Variants in ME1 observed in about 807,000 individuals in gnomAD.
The protein encoded by ME1 is malic enzyme 1, also known as NADP-dependent malic enzyme.
Under a neutral mutation model 66.4 loss-of-function variants are expected in ME1, and 74 were observed. That is an observed-to-expected ratio of 1.11 (90% CI 0.92 to 1.35). The LOEUF (loss-of-function observed/expected upper bound fraction) is 1.35. ME1 is among the 40% of genes most tolerant of loss of function. The pLI is 0.00. For synonymous variants in ME1, 251 were observed against 235.6 expected (o/e 1.07, Z -0.60); for missense variants, 750 against 694.1 (o/e 1.08, Z -0.90).
In ME1 at chr6:83,223,924, T is replaced by C. The variant is rs374707344; in HGVS notation, c.1285A>G (p.Ile429Val). 3.9e-5 allele frequency: 63 copies of C among 1,613,616 alleles called. No homozygotes were observed. Among genetic ancestry groups the C allele is most frequent in the Non-Finnish European group, 4.7e-5 (55 of 1,179,812 alleles). ...QCYKITKGRA[I>V]FASGSPFDPV... is the part of the protein sequence containing the mutation. ...TCAAAAGGACTGCCACTGGCAAAAA[T>C]TGCACGTCCCTACAACAAAGACACA... The change falls in exon 12 of 14, where the codon ATT (isoleucine) becomes GTT (valine). Residue 429 changes from isoleucine (I) to valine (V), a missense_variant. Physicochemically the swap from Ile to Val is conservative, Grantham distance 29 (BLOSUM62 3). Transcript: ENST00000369705.
chr6:83,372,071 T>C (rs1769201202), intron 3 of ME1, among the ~76,000 whole-genome samples: 1 of 152,194 alleles, frequency 6.6e-6, no homozygotes, highest in Non-Finnish European at 1.5e-5. Flanking sequence ...ATTATGTCTA[T>C]TGTATTCATT....
intron 4 of ME1, among the ~76,000 whole-genome samples, chr6:83,351,198 C>T (rs1332051589): frequency 6.6e-6 from 1 of 151,938 alleles, no homozygotes; most frequent in African/African-American, 2.4e-5. Flanking sequence ...AGTTCAAGAC[C>T]AGACTGAGCA....
At chr6:83,363,925 G>A (rs1769051623) in intron 3 of ME1, among the ~76,000 whole-genome samples, 1 of 152,170 alleles carries the variant, frequency 6.6e-6, no homozygotes, top group African/African-American at 2.4e-5. Context: ...GCATAATTAT[G>A]ACCTTATTAT....
In ME1 at chr6:83,389,188, A is replaced by C. The variant is rs562336698; in HGVS notation, c.362+9179T>G. On this transcript the variant is annotated intron_variant, in intron 3 of 13. Coordinates refer to ENST00000369705, the MANE Select transcript of ME1 (RefSeq NM_002395.6). ...ATTCCTTAGTGTGTCCAATTTCTTTAATATCTATTATTTATGAGAATTTGC... is the reference window on the plus strand; with the variant it reads ...ATTCCTTAGTGTGTCCAATTTCTTTCATATCTATTATTTATGAGAATTTGC... 2.0e-5 allele frequency among the ~76,000 whole-genome samples: 3 copies of C among 152,252 alleles called. No individual in the cohort carries two copies. In the East Asian group the frequency reaches 5.8e-4, roughly 29 times the overall value.
chr6:83,426,136 G>A (rs1770367228), intron 1 of ME1, among the ~76,000 whole-genome samples: 1 of 152,200 alleles, frequency 6.6e-6, no homozygotes. Flanking sequence ...AGCTAATTGG[G>A]AGGCTTGGGA....
intron 12 of ME1, among the ~76,000 whole-genome samples, chr6:83,222,526 G>T (rs148997489): frequency 1.7e-3 from 257 of 152,318 alleles, no homozygotes; most frequent in African/African-American, 5.6e-3. Context: ...CGTAAGAAAA[G>T]AAATTCACTC....
rs543978480 is a variant in ME1, at chr6:83,387,498, A to G, written c.362+10869T>C. ...ATCTGCAGAAACTATATGTTTCCATATAAGTAAACATTATTTAGACCCTCA... is the reference window on the plus strand; with the variant it reads ...ATCTGCAGAAACTATATGTTTCCATGTAAGTAAACATTATTTAGACCCTCA... On this transcript the variant is annotated intron_variant, in intron 3 of 13. Coordinates refer to ENST00000369705, the MANE Select transcript of ME1 (RefSeq NM_002395.6). Among the ~76,000 whole-genome samples the G allele has an allele frequency of 8.5e-5, 13 of 152,262 alleles. No individual in the cohort carries two copies. In the South Asian group the frequency reaches 2.5e-3, roughly 29 times the overall value.
chr6:83,319,861 G>A (rs1768118582), intron 5 of ME1, among the ~76,000 whole-genome samples: 1 of 152,168 alleles, frequency 6.6e-6, no homozygotes, highest in African/African-American at 2.4e-5. Flanking sequence ...CTCCAGCTAT[G>A]AATGAGAATG....
chr6:83,389,479 A>G (rs1157233868), intron 3 of ME1, among the ~76,000 whole-genome samples: 1 of 152,210 alleles, frequency 6.6e-6, no homozygotes, highest in African/African-American at 2.4e-5. Context: ...TACCAAAAAA[A>G]CAGATCAAGC....
At chr6:83,354,693 T>C (rs1768857564) in intron 3 of ME1, among the ~76,000 whole-genome samples, 1 of 152,214 alleles carries the variant, frequency 6.6e-6, no homozygotes, top group Non-Finnish European at 1.5e-5. Flanking sequence ...AAATGTTAAC[T>C]GTCTGTGTCT....
intron 1 of ME1, among the ~76,000 whole-genome samples, chr6:83,418,872 A>C (rs184026607): frequency 9.9e-5 from 15 of 151,860 alleles, no homozygotes; most frequent in African/African-American, 3.2e-4. Flanking sequence ...TAGTTCACTG[A>C]GGAGTAATGT....
intron 1 of ME1, among the ~76,000 whole-genome samples, chr6:83,422,670 G>T (rs570796956): frequency 2.6e-4 from 40 of 152,182 alleles, no homozygotes; most frequent in Non-Finnish European, 5.0e-4. Flanking sequence ...GGAAATTTTA[G>T]AACTTAAAAA....
intron 6 of ME1, among the ~76,000 whole-genome samples, chr6:83,291,247 G>C (rs1163540245): frequency 2.0e-5 from 3 of 152,194 alleles, no homozygotes; most frequent in Non-Finnish European, 4.4e-5. Flanking sequence ...TGTTTTTGCA[G>C]TGGCTGGTAC....
chr6:83,365,760 G>A (rs1468994635), intron 3 of ME1, among the ~76,000 whole-genome samples: 1 of 151,298 alleles, frequency 6.6e-6, no homozygotes, highest in African/African-American at 2.4e-5. Flanking sequence ...ACTTTCATTT[G>A]CTCCAAAGAT....
chr6:83,340,017 A>G (rs1314525558), intron 5 of ME1, among the ~76,000 whole-genome samples: 1 of 152,082 alleles, frequency 6.6e-6, no homozygotes, highest in African/African-American at 2.4e-5. Flanking sequence ...ATATAACATT[A>G]GAAGAATAGC....
At chr6:83,357,900 CCCCTCTCT>C (rs1462044665) in intron 3 of ME1, among the ~76,000 whole-genome samples, 21 of 56,208 alleles carry the variant, frequency 3.7e-4, no homozygotes, top group African/African-American at 1.7e-3. Flanking sequence ...TTAATAAACT[CCCCTCTCT>C]CTCTCTCTCT....
chr6:83,322,734 A>G (rs1449739335), intron 5 of ME1, among the ~76,000 whole-genome samples: 4 of 152,250 alleles, frequency 2.6e-5, no homozygotes, highest in Non-Finnish European at 1.5e-5. Context: ...AACACTCTTC[A>G]GGATATTATC....
intron 11 of ME1, among the ~76,000 whole-genome samples, chr6:83,226,833 A>C: frequency 6.6e-6 from 1 of 152,190 alleles, no homozygotes; most frequent in East Asian, 1.9e-4. Context: ...ACATGGTATA[A>C]AATAAATCAT....
At chr6:83,382,159 T>C (rs1367900727) in intron 3 of ME1, among the ~76,000 whole-genome samples, 1 of 152,094 alleles carries the variant, frequency 6.6e-6, no homozygotes, top group Non-Finnish European at 1.5e-5. Flanking sequence ...TTGTTTATCA[T>C]TGTCCTCTGT....
Sources: allele counts gnomAD v4.1 joint callset (sites outside exome capture counted in the v4.1 genomes callset), GRCh38; gene constraint gnomAD v4.1.1; transcripts MANE v1.5; gene names NCBI Gene and HGNC (gene_info 2026-07-23, HGNC 2026-07-21).